DCDC2C: variants seen among roughly 807,000 people sequenced by gnomAD.
DCDC2C encodes the protein doublecortin domain-containing protein 2C.
In DCDC2C, 44 loss-of-function variants were observed where a neutral mutation model predicts 45.0. The observed-to-expected ratio is 0.98, with a 90% CI of 0.77 to 1.26. The LOEUF is 1.26. Among genes scored for constraint, DCDC2C ranks in the 50% most tolerant of loss-of-function variants. The pLI is 0.00. For missense variants in DCDC2C, 447 were observed against 468.9 expected (o/e 0.95, Z 0.43); for synonymous variants, 187 against 178.8 (o/e 1.05, Z -0.37).
rs1216306929 is a variant in DCDC2C at position 3,790,621 on chromosome 2, G to T, written c.1065+5521G>T. ...AATTGATTTTTAAAATTAATCGCCT[G>T]CCCAGTATCTTTACTGTTTTTTCTC... is the stretch of plus-strand genomic sequence containing the variant. On this transcript the variant is annotated intron_variant, in intron 10 of 10. Transcript: ENST00000399143. 9.9e-5 allele frequency among the ~76,000 whole-genome samples: 15 copies of T among 152,212 alleles called. No homozygotes were observed. In the South Asian group the frequency reaches 3.1e-3, roughly 32 times the overall value.
intron 8 of DCDC2C, among the ~76,000 whole-genome samples, chr2:3,775,932 A>G (rs74171418): frequency 3.1e-3 from 131 of 42,438 alleles, no homozygotes; most frequent in Middle Eastern, 0.02. Flanking sequence ...TGTGGCTCTG[A>G]GCTAGGCAGC....
intron 3 of DCDC2C, among the ~76,000 whole-genome samples, chr2:3,727,812 T>C (rs757978071): frequency 5.9e-5 from 9 of 152,186 alleles, no homozygotes; most frequent in Non-Finnish European, 1.3e-4. Flanking sequence ...TGAGGATGTC[T>C]CCCATTGTGG....
chr2:3,779,310 C>T (rs939379606), intron 9 of DCDC2C, among the ~76,000 whole-genome samples: 1 of 152,098 alleles, frequency 6.6e-6, no homozygotes, highest in African/African-American at 2.4e-5. Context: ...CCGGGGAGCA[C>T]GAGGGTGAGG....
At chr2:3,719,970 C>T (rs572613945) in intron 2 of DCDC2C, among the ~76,000 whole-genome samples, 21 of 152,288 alleles carry the variant, frequency 1.4e-4, no homozygotes, top group South Asian at 1.0e-3. Context: ...GTGCTTGGGA[C>T]GACCCAGCCC....
chr2:3,704,119 C>G (rs1019588640), intron 1 of DCDC2C, 81 bp downstream of exon 1: 17 of 1,143,332 alleles, frequency 1.5e-5, no homozygotes, highest in Non-Finnish European at 1.1e-6. Context: ...CCGTGCCCCC[C>G]AGGTGTCCTC....
chr2:3,707,050 G>C (rs1166002940), intron 1 of DCDC2C, among the ~76,000 whole-genome samples: 1 of 152,120 alleles, frequency 6.6e-6, no homozygotes, highest in African/African-American at 2.4e-5. Context: ...AGCCGGGAGG[G>C]AGCTTGCACC....
intron 10 of DCDC2C, among the ~76,000 whole-genome samples, chr2:3,798,958 C>A (rs1198826356): frequency 6.6e-6 from 1 of 152,190 alleles, no homozygotes; most frequent in African/African-American, 2.4e-5. Flanking sequence ...TAATATCCTG[C>A]AGAGTGTTTT....
At chr2:3,709,506 G>A (rs1385750130) in intron 2 of DCDC2C, among the ~76,000 whole-genome samples, 1 of 152,238 alleles carries the variant, frequency 6.6e-6, no homozygotes, top group Admixed American at 6.5e-5. Context: ...TGCCTTCTTG[G>A]AGTCTGCCCT....
Position 3,708,005 on chromosome 2 carries a change from A to G in DCDC2C, c.288-544A>G, listed in dbSNP as rs188760255. ...ATTTTTGAGGAATATGGAAGTCTCA[A>G]AAGTCCCCAACAGTAAAAAAAATTG... On this transcript the variant is annotated intron_variant, in intron 1 of 10. Coordinates refer to ENST00000399143, the MANE Select transcript of DCDC2C (RefSeq NM_001287444.2). Among the ~76,000 whole-genome samples, 370 of 152,298 alleles carry G rather than the reference A, an allele frequency of 2.4e-3. 3 individuals carry two copies. The highest frequency in any genetic ancestry group is 8.1e-3 in the African/African-American group (337 of 41,562).
At chr2:3,722,257 G>A (rs1668522976) in intron 2 of DCDC2C, among the ~76,000 whole-genome samples, 1 of 152,200 alleles carries the variant, frequency 6.6e-6, no homozygotes, top group Admixed American at 6.5e-5. Flanking sequence ...TAAGCTACAT[G>A]GGTATGGATT....
At chr2:3,725,433 C>CGGAGGG (rs1668620210) in intron 2 of DCDC2C, among the ~76,000 whole-genome samples, 3 of 69,062 alleles carry the variant, frequency 4.3e-5, no homozygotes, top group East Asian at 4.3e-4. Context: ...AGGTGGATCC[C>CGGAGGG]AGAGGAAGAC....
At chr2:3,821,208 A>G (rs1477757364) in intron 10 of DCDC2C, among the ~76,000 whole-genome samples, 1 of 152,156 alleles carries the variant, frequency 6.6e-6, no homozygotes, top group Non-Finnish European at 1.5e-5. Context: ...TTCACAAGGT[A>G]ATGTCATCAG....
rs1378588165 is a variant in DCDC2C at position 3,734,372 on chromosome 2, G to A, written c.416+7293G>A. On this transcript the variant is annotated intron_variant, in intron 3 of 10. Transcript: ENST00000399143. The surrounding 1 kb of genome is among the most constrained non-coding windows in gnomAD (Gnocchi z 4.2). ...GACATAAAGAGCGAGATCTACTTAG[G>A]GCAGAGGGGTTTCTGATGAATCTAA... Among the ~76,000 whole-genome samples, 2 of 152,184 alleles carry A rather than the reference G, an allele frequency of 1.3e-5. No individual in the cohort carries two copies. The highest frequency in any genetic ancestry group is 6.5e-5 in the Admixed American group (1 of 15,284).
chr2:3,742,080 G>T lies in DCDC2C; in HGVS notation c.545+32G>T, dbSNP rs74926265. ...AGACTCTCGCCTTTAGGACAGCCAG[G>T]GGGCGGCAGCTTGTGTTTATTCTTT... On this transcript the variant is annotated intron_variant, in intron 4 of 10. Transcript: ENST00000399143. The T allele has an allele frequency of 5.4e-6, 8 of 1,493,136 alleles. No individual in the cohort carries two copies. In the South Asian group the frequency reaches 8.1e-5, roughly 15 times the overall value. The allele number at this position is 1,493,136 out of a possible 1,614,324, so 92.5% of individuals were successfully genotyped here.
chr2:3,816,303 GTGCCCAA>G (rs1415012627), intron 10 of DCDC2C, among the ~76,000 whole-genome samples: 2 of 338 alleles, frequency 5.9e-3, no homozygotes, highest in Non-Finnish European at 0.01. Context: ...CAATTAGAGA[GTGCCCAA>G]GGGGTTTAGC....
chr2:3,730,884 A>G (rs1255558681), intron 3 of DCDC2C, among the ~76,000 whole-genome samples: 1 of 152,184 alleles, frequency 6.6e-6, no homozygotes, highest in Non-Finnish European at 1.5e-5. Context: ...GGCCTCCAAC[A>G]AGCTATGTCT....
intron 3 of DCDC2C, among the ~76,000 whole-genome samples, chr2:3,732,281 G>A (rs1049661831): frequency 6.6e-6 from 1 of 152,142 alleles, no homozygotes; most frequent in South Asian, 2.1e-4. Context: ...AGCCAACTGT[G>A]TCATGGCATC....
chr2:3,729,947 T>A (rs1019994177), intron 3 of DCDC2C, among the ~76,000 whole-genome samples: 5 of 152,176 alleles, frequency 3.3e-5, no homozygotes, highest in African/African-American at 9.7e-5. Context: ...TCTGTGAAAC[T>A]CAGTCCCTCC....
At chr2:3,713,234 T>A (rs1306460500) in intron 2 of DCDC2C, among the ~76,000 whole-genome samples, 1 of 152,212 alleles carries the variant, frequency 6.6e-6, no homozygotes, top group Non-Finnish European at 1.5e-5. Context: ...TTCTGATAGA[T>A]GTTCAAGCCC....
Sources: allele counts gnomAD v4.1 joint callset (sites outside exome capture counted in the v4.1 genomes callset), GRCh38; gene constraint gnomAD v4.1.1; non-coding constraint Gnocchi (gnomAD v3.1); transcripts MANE v1.5; gene names NCBI Gene and HGNC (gene_info 2026-07-23, HGNC 2026-07-21).